The following RBMS3 variants were observed in gnomAD, a reference collection of about 807,000 sequenced individuals.
RBMS3 encodes the protein RNA binding motif single stranded interacting protein 3.
Under a neutral mutation model 66.8 loss-of-function variants are expected in RBMS3, and 27 were observed. The observed-to-expected ratio is 0.40, with a 90% CI of 0.30 to 0.56. RBMS3 has a LOEUF of 0.56. Among genes scored for constraint, RBMS3 ranks in the 20% least tolerant of loss-of-function variants. The pLI, the probability that RBMS3 is intolerant of heterozygous loss-of-function variation, is 0.40. For synonymous variants in RBMS3, 188 were observed against 183.0 expected, an observed-to-expected ratio of 1.03 and a Z score of -0.22; for missense variants, 513 against 549.5, an observed-to-expected ratio of 0.93 and a Z score of 0.66.
chr3:30,010,113 T>C lies in RBMS3; in HGVS notation c.*6251T>C, dbSNP rs1415404066. 3.9e-5 allele frequency: 6 copies of C among 152,264 alleles called. No individual in the cohort carries two copies. Among genetic ancestry groups the C allele is most frequent in the African/African-American group, 1.4e-4 (6 of 41,570 alleles). 9.4% of individuals were successfully genotyped at this position (152,264 alleles called of 1,614,324 possible). A position where few individuals can be genotyped will look rare whatever the true frequency, so the allele number is the denominator to read the frequency against. ...GACACAGCTTCTTTTAAAACCCTTG[T>C]TTCAGTCCATATTCAACTTCATGGA... On this transcript the variant is annotated 3_prime_UTR_variant, in exon 15 of 15. Transcript: ENST00000383767.
At chr3:29,323,468 G>T (rs563973106) in intron 1 of RBMS3, among the ~76,000 whole-genome samples, 1 of 152,010 alleles carries the variant, frequency 6.6e-6, no homozygotes, top group African/African-American at 2.4e-5. Context: ...AGGGTAACTA[G>T]AAAATGCTGA....
At position 29,741,232 on chromosome 3, in the gene RBMS3, T is replaced by C. The variant is rs555408316; in HGVS notation, c.557+1355T>C. ...AGTAAACCAGGAGACAAATGCAAGGTACATGCTTGATGATTTGAATAGAAA... is the reference window on the plus strand; with the variant it reads ...AGTAAACCAGGAGACAAATGCAAGGCACATGCTTGATGATTTGAATAGAAA... On this transcript the variant is annotated intron_variant, in intron 5 of 14. Transcript: ENST00000383767. Among the ~76,000 whole-genome samples, 3 of 152,302 alleles carry C rather than the reference T, an allele frequency of 2.0e-5. No homozygotes were observed. In the South Asian group the frequency reaches 6.2e-4, roughly 32 times the overall value.
At chr3:29,566,044 T>G (rs1209413298) in intron 3 of RBMS3, among the ~76,000 whole-genome samples, 1 of 152,214 alleles carries the variant, frequency 6.6e-6, no homozygotes, top group Non-Finnish European at 1.5e-5. Context: ...TGAAAGGCTT[T>G]TAATTTGTTA....
chr3:29,386,097 G>C (rs2038997654), intron 1 of RBMS3, among the ~76,000 whole-genome samples: 1 of 152,008 alleles, frequency 6.6e-6, no homozygotes, highest in South Asian at 2.1e-4. Context: ...TTCTTTAAAT[G>C]ACTCTGGTAA....
At chr3:29,538,449 T>C (rs544352090) in intron 3 of RBMS3, among the ~76,000 whole-genome samples, 39 of 152,328 alleles carry the variant, frequency 2.6e-4, no homozygotes, top group Non-Finnish European at 5.0e-4. Context: ...ACAAAAAGGA[T>C]ACAAATAAGG....
intron 8 of RBMS3, among the ~76,000 whole-genome samples, chr3:29,888,428 C>A (rs2059923442): frequency 6.6e-6 from 1 of 151,566 alleles, no homozygotes; most frequent in Admixed American, 6.6e-5. Flanking sequence ...AATGGTAGCA[C>A]CAGTCCCTCT....
Position 29,874,437 on chromosome 3 carries a change from T to G in RBMS3, c.744+5473T>G, listed in dbSNP as rs770358079. ...ATAGTTTATCACTATTTTCTTTGTT[T>G]ATACCACAGTGCTTGGCAATTCGTT... On this transcript the variant is annotated intron_variant, in intron 7 of 14. Transcript: ENST00000383767. 5.9e-5 allele frequency among the ~76,000 whole-genome samples: 9 copies of G among 152,360 alleles called. No homozygotes were observed. In the South Asian group the frequency reaches 1.2e-3, roughly 21 times the overall value.
chr3:29,643,953 C>T (rs944671497), intron 4 of RBMS3, among the ~76,000 whole-genome samples: 2 of 152,170 alleles, frequency 1.3e-5, no homozygotes, highest in African/African-American at 4.8e-5. Context: ...TCATATTAGT[C>T]CTGTAAAGCA....
intron 6 of RBMS3, among the ~76,000 whole-genome samples, chr3:29,825,776 A>T (rs1283911150): frequency 1.3e-5 from 2 of 152,162 alleles, no homozygotes; most frequent in Non-Finnish European, 2.9e-5. Flanking sequence ...CCAAAATTCA[A>T]ATCCCAGCTC....
intron 6 of RBMS3, among the ~76,000 whole-genome samples, chr3:29,837,319 T>C (rs1175252672): frequency 2.0e-5 from 3 of 152,056 alleles, no homozygotes; most frequent in Non-Finnish European, 4.4e-5. Flanking sequence ...TTATACGTAG[T>C]CTAGTTTTAC....
chr3:29,467,923 T>C (rs1290000318), intron 2 of RBMS3, among the ~76,000 whole-genome samples: 2 of 152,138 alleles, frequency 1.3e-5, no homozygotes, highest in African/African-American at 4.8e-5. Context: ...TATGTAAAAA[T>C]ATGATACTAT....
chr3:29,896,630 A>G (rs183087082), intron 8 of RBMS3, among the ~76,000 whole-genome samples: 3 of 151,682 alleles, frequency 2.0e-5, no homozygotes, highest in South Asian at 4.1e-4. Context: ...TAGTCTGAGC[A>G]GAAATGGACA....
intron 4 of RBMS3, among the ~76,000 whole-genome samples, chr3:29,733,610 G>T (rs1249833591): frequency 6.6e-6 from 1 of 151,998 alleles, no homozygotes; most frequent in African/African-American, 2.4e-5. Context: ...GCATTTCCCT[G>T]ATGATTAGTG....
At chr3:29,322,679 G>C (rs940785444) in intron 1 of RBMS3, among the ~76,000 whole-genome samples, 2 of 151,980 alleles carry the variant, frequency 1.3e-5, no homozygotes, top group African/African-American at 2.4e-5. Context: ...AGGAAAGATG[G>C]CATATAAGAA....
At chr3:29,447,273 T>G (rs2041866550) in intron 2 of RBMS3, among the ~76,000 whole-genome samples, 1 of 152,156 alleles carries the variant, frequency 6.6e-6, no homozygotes, top group Non-Finnish European at 1.5e-5. Context: ...TTACAGTAAA[T>G]TTAGAATCAG....
chr3:29,572,439 C>T (rs1484913680), intron 3 of RBMS3, among the ~76,000 whole-genome samples: 1 of 152,108 alleles, frequency 6.6e-6, no homozygotes, highest in Non-Finnish European at 1.5e-5. Context: ...GAGGTATGCT[C>T]TGTCTATACC....
chr3:29,791,842 T>C (rs2057022624), intron 6 of RBMS3, among the ~76,000 whole-genome samples: 1 of 152,154 alleles, frequency 6.6e-6, no homozygotes, highest in African/African-American at 2.4e-5. Flanking sequence ...TGCAACTTCA[T>C]GAGCATAAAA....
At chr3:29,340,375 C>A (rs1440893560) in intron 1 of RBMS3, among the ~76,000 whole-genome samples, 1 of 152,098 alleles carries the variant, frequency 6.6e-6, no homozygotes. Context: ...CCAATGGACA[C>A]CGCCATTGGG....
At chr3:29,636,322 G>A (rs1175035681) in intron 4 of RBMS3, among the ~76,000 whole-genome samples, 1 of 151,814 alleles carries the variant, frequency 6.6e-6, no homozygotes, top group African/African-American at 2.4e-5. Context: ...CTAAAAGTTG[G>A]CTGCCTTTTA....
Sources: gnomAD v4.1 joint callset for allele counts (sites outside exome capture counted in the v4.1 genomes callset) on GRCh38, gnomAD v4.1.1 for gene constraint, MANE v1.5 for transcripts, NCBI Gene and HGNC (gene_info 2026-07-23, HGNC 2026-07-21) for gene names.